The following LMCD1 variants were observed in gnomAD, a reference collection of about 807,000 sequenced individuals.
LMCD1 encodes the protein LIM and cysteine-rich domains protein 1.
LMCD1 carries 32 observed loss-of-function variants against 42.7 expected under a neutral mutation model. That is an observed-to-expected ratio of 0.75 (90% CI 0.57 to 1.01). LMCD1 has a LOEUF of 1.01. Among genes scored for constraint, LMCD1 ranks in the 50% least tolerant of loss-of-function variants. LMCD1 has a pLI of 0.00. For synonymous variants in LMCD1, 178 were observed against 184.9 expected (o/e 0.96, Z 0.30); for missense variants, 458 against 483.1 (o/e 0.95, Z 0.49).
At chr3:8,560,406 C>T (rs961571419) in intron 4 of LMCD1, among the ~76,000 whole-genome samples, 3 of 152,138 alleles carry the variant, frequency 2.0e-5, no homozygotes, top group East Asian at 1.9e-4. Flanking sequence ...CATCAGGGTG[C>T]CTGCCGGTGC....
chr3:8,550,233 C>G, intron 4 of LMCD1: 1 of 1,089,436 alleles, frequency 9.2e-7, no homozygotes, highest in Non-Finnish European at 1.1e-6. Flanking sequence ...GCGTGTACTG[C>G]GTTTCTGGTC....
chr3:8,542,105 A>G lies in LMCD1; in HGVS notation c.387+4665A>G, dbSNP rs575522154. On this transcript the variant is annotated intron_variant, in intron 3 of 5. Transcript: ENST00000157600. ...CGCCTCCTGGGTTCAAGCGATTCTCATGTCTCAGCTTCCCAATTAGCTGGG... is the reference window on the plus strand; with the variant it reads ...CGCCTCCTGGGTTCAAGCGATTCTCGTGTCTCAGCTTCCCAATTAGCTGGG... Among the ~76,000 whole-genome samples the G allele has an allele frequency of 1.9e-4, 26 of 139,822 alleles. No individual in the cohort carries two copies. The South Asian group carries it at 5.3e-3, about 28-fold the overall frequency. 91.7% of individuals were successfully genotyped at this position (139,822 alleles called of 152,430 possible). A position where few individuals can be genotyped will look rare whatever the true frequency, so the allele number is the denominator to read the frequency against.
chr3:8,543,072 A>G (rs527842094), intron 3 of LMCD1, among the ~76,000 whole-genome samples: 2 of 152,198 alleles, frequency 1.3e-5, no homozygotes, highest in Admixed American at 1.3e-4. Context: ...CCTGATCCCC[A>G]CTCTGGCAGA....
chr3:8,543,010 C>A (rs1694656463), intron 3 of LMCD1, among the ~76,000 whole-genome samples: 1 of 152,208 alleles, frequency 6.6e-6, no homozygotes, highest in Non-Finnish European at 1.5e-5. Flanking sequence ...TGAGCCGAAT[C>A]AGCCTGGATG....
chr3:8,502,330 ATATATATT>A (rs1693757534), intron 1 of LMCD1, among the ~76,000 whole-genome samples: 3 of 17,112 alleles, frequency 1.8e-4, no homozygotes, highest in African/African-American at 5.6e-4. Flanking sequence ...ATTATATATA[ATATATATT>A]ATATATAAAA....
rs1695180363 is a variant in LMCD1 at position 8,569,502 on chromosome 3, CA to C, written c.*1905del. The C allele has an allele frequency of 6.6e-6, 1 of 152,160 alleles. No individual in the cohort carries two copies. Among genetic ancestry groups the C allele is most frequent in the Non-Finnish European group, 1.5e-5 (1 of 68,028 alleles). 9.4% of individuals were successfully genotyped at this position (152,160 alleles called of 1,614,324 possible). A position where few individuals can be genotyped will look rare whatever the true frequency, so the allele number is the denominator to read the frequency against. Reference sequence around the variant, plus strand: ...GGGGATGCGGGGTGCACAAAAAGAACAGTGACCCCTACGCCCATAGATGTTA... The same window carrying C: ...GGGGATGCGGGGTGCACAAAAAGAACGTGACCCCTACGCCCATAGATGTTA... On this transcript the variant is annotated 3_prime_UTR_variant, in exon 6 of 6. Coordinates refer to ENST00000157600, the MANE Select transcript of LMCD1 (RefSeq NM_014583.4).
At chr3:8,523,780 G>A (rs1438224908) in intron 1 of LMCD1, among the ~76,000 whole-genome samples, 2 of 152,196 alleles carry the variant, frequency 1.3e-5, no homozygotes, top group Non-Finnish European at 2.9e-5. Flanking sequence ...CAAATAGACT[G>A]GAAAGAGTCA....
chr3:8,525,986 C>A (rs1050581504), intron 1 of LMCD1, among the ~76,000 whole-genome samples: 25 of 152,188 alleles, frequency 1.6e-4, no homozygotes, highest in Admixed American at 1.6e-3. Flanking sequence ...AAAGCGTGGT[C>A]CCTGGGACAG....
At chr3:8,534,415 G>C (rs771706172) in intron 2 of LMCD1, among the ~76,000 whole-genome samples, 1 of 152,044 alleles carries the variant, frequency 6.6e-6, no homozygotes, top group African/African-American at 2.4e-5. Flanking sequence ...TCTTGTCATC[G>C]TACAAATGAT....
chr3:8,519,917 TGA>T (rs1553605821), intron 1 of LMCD1, among the ~76,000 whole-genome samples: 6 of 149,740 alleles, frequency 4.0e-5, no homozygotes, highest in Admixed American at 2.7e-4. Context: ...CGTGTGTGTG[TGA>T]GAGAGAGTGT....
At chr3:8,532,293 T>C (rs1694426212) in intron 1 of LMCD1, among the ~76,000 whole-genome samples, 1 of 152,266 alleles carries the variant, frequency 6.6e-6, no homozygotes, top group Admixed American at 6.5e-5. Context: ...CACATTTGTT[T>C]GTGCCTGTAG....
At chr3:8,511,681 A>G (rs184097236) in intron 1 of LMCD1, among the ~76,000 whole-genome samples, 45 of 152,294 alleles carry the variant, frequency 3.0e-4, no homozygotes, top group African/African-American at 1.0e-3. Context: ...TTGATTTCCA[A>G]CTTGGGGAAT....
At chr3:8,534,959 T>C (rs1388090885) in intron 2 of LMCD1, among the ~76,000 whole-genome samples, 1 of 152,214 alleles carries the variant, frequency 6.6e-6, no homozygotes, top group East Asian at 1.9e-4. Context: ...TTTTGAAATG[T>C]TTTGCATTCC....
At chr3:8,559,374 T>C (rs1016611388) in intron 4 of LMCD1, among the ~76,000 whole-genome samples, 2 of 134,928 alleles carry the variant, frequency 1.5e-5, no homozygotes, top group African/African-American at 6.1e-5. Flanking sequence ...CAAATCATTA[T>C]TGAGCCCTTA....
At position 8,532,910 on chromosome 3, in the gene LMCD1, G is replaced by A. The variant is rs1034832059; in HGVS notation, c.131+85G>A. 54 of 1,098,462 alleles carry A rather than the reference G, an allele frequency of 4.9e-5. No individual in the cohort carries two copies. The South Asian group carries it at 7.0e-4, about 14-fold the overall frequency. The allele number at this position is 1,098,462 out of a possible 1,614,324, so 68.0% of individuals were successfully genotyped here. ...GAACCCTGGTTGCTTTCTTCGCTGA[G>A]ACTGCTTTGGTTGTATGCGTTGTCA... On this transcript the variant is annotated intron_variant, in intron 2 of 5. Coordinates refer to ENST00000157600, the MANE Select transcript of LMCD1 (RefSeq NM_014583.4).
chr3:8,549,495 C>T (rs1471921774), intron 4 of LMCD1, among the ~76,000 whole-genome samples: 2 of 151,984 alleles, frequency 1.3e-5, no homozygotes, highest in South Asian at 2.1e-4. Context: ...CTGCACTGCC[C>T]CAGGAAATCA....
At chr3:8,538,383 C>T (rs1256115491) in intron 3 of LMCD1, among the ~76,000 whole-genome samples, 2 of 152,212 alleles carry the variant, frequency 1.3e-5, no homozygotes, top group African/African-American at 4.8e-5. Flanking sequence ...TATGTTAATA[C>T]AATTTGTAGA....
At chr3:8,503,024 G>T (rs1241420526) in intron 1 of LMCD1, among the ~76,000 whole-genome samples, 1 of 152,190 alleles carries the variant, frequency 6.6e-6, no homozygotes, top group Non-Finnish European at 1.5e-5. Flanking sequence ...CTGAGCCTCA[G>T]TTTCCTTGTC....
chr3:8,529,928 C>A (rs576810775), intron 1 of LMCD1, among the ~76,000 whole-genome samples: 1 of 152,278 alleles, frequency 6.6e-6, no homozygotes, highest in Middle Eastern at 3.4e-3. Context: ...CTCCTGGTAA[C>A]CCTGCAAGGC....
Sources: gnomAD v4.1 joint callset for allele counts (sites outside exome capture counted in the v4.1 genomes callset) on GRCh38, gnomAD v4.1.1 for gene constraint, MANE v1.5 for transcripts, NCBI Gene and HGNC (gene_info 2026-07-23, HGNC 2026-07-21) for gene names.